UGGT2: variants seen among roughly 807,000 people sequenced by gnomAD.
The protein encoded by UGGT2 is UDP-glucose glycoprotein glucosyltransferase 2.
In UGGT2, 180 loss-of-function variants were observed where a neutral mutation model predicts 192.1. The observed-to-expected ratio is 0.94, with a 90% CI of 0.83 to 1.06. The LOEUF (loss-of-function observed/expected upper bound fraction) is 1.06, where lower values mean the gene tolerates loss of function less well. Ranked by LOEUF, UGGT2 falls within the 50% of genes least tolerant of loss-of-function variation. The pLI, the probability that UGGT2 is intolerant of heterozygous loss-of-function variation, is 0.00. For synonymous variants in UGGT2, 580 were observed against 591.0 expected (o/e 0.98, Z 0.27); for missense variants, 1,849 against 1,795.7 (o/e 1.03, Z -0.54).
intron 12 of UGGT2, among the ~76,000 whole-genome samples, chr13:95,963,141 T>C (rs753110777): frequency 1.3e-5 from 2 of 152,028 alleles, no homozygotes; most frequent in African/African-American, 2.4e-5. Flanking sequence ...TGAACACAGA[T>C]GCACAAATTC....
At chr13:96,036,565 G>GT (rs1421297826) in intron 1 of UGGT2, among the ~76,000 whole-genome samples, 1 of 146,238 alleles carries the variant, frequency 6.8e-6, no homozygotes, top group African/African-American at 2.5e-5. Flanking sequence ...AAAAGTTCAA[G>GT]TAAAAAAAAA....
Position 95,860,824 on chromosome 13 carries a change from G to GA in UGGT2, c.3703dup (p.Ser1235PhefsTer9), listed in dbSNP as rs772404395. 3 of 1,562,882 alleles carry GA rather than the reference G, an allele frequency of 1.9e-6. No individual in the cohort carries two copies. Among genetic ancestry groups the GA allele is most frequent in the Non-Finnish European group, 1.7e-6 (2 of 1,155,678 alleles). On this transcript the variant is annotated frameshift_variant, in exon 32 of 39. Transcript: ENST00000376747. LOFTEE classifies it high-confidence loss of function. ...TTCATATAAATGACCAGAAGCAACTGAAAAAATGTTTAGGACATCTTTTTC... is the reference window on the plus strand; with the variant it reads ...TTCATATAAATGACCAGAAGCAACTGAAAAAAATGTTTAGGACATCTTTTTC...
intron 1 of UGGT2, among the ~76,000 whole-genome samples, chr13:96,043,517 C>A (rs1376640792): frequency 6.6e-6 from 1 of 152,144 alleles, no homozygotes; most frequent in East Asian, 1.9e-4. Flanking sequence ...TACCTCACAT[C>A]TCAATACTAA....
chr13:95,939,946 T>A lies in UGGT2; in HGVS notation c.1812+11A>T. The stretch of plus-strand genomic sequence containing the variant: ...CTGGCCTACTCCACTTAACATAATG[T>A]CCCAACTTACCTTTCTTTCTTCATC... On this transcript the variant is annotated intron_variant, in intron 16 of 38. Coordinates refer to ENST00000376747, the MANE Select transcript of UGGT2 (RefSeq NM_020121.4). 1 of 1,590,110 alleles carries A rather than the reference T, an allele frequency of 6.3e-7. No individual in the cohort carries two copies.
At chr13:95,906,411 G>T (rs979434206) in intron 20 of UGGT2, among the ~76,000 whole-genome samples, 1 of 152,042 alleles carries the variant, frequency 6.6e-6, no homozygotes, top group Non-Finnish European at 1.5e-5. Context: ...AATCAATAAA[G>T]ATTATACAAT....
intron 4 of UGGT2, among the ~76,000 whole-genome samples, chr13:96,013,921 T>C (rs1171553907): frequency 2.0e-5 from 3 of 152,148 alleles, no homozygotes; most frequent in Non-Finnish European, 4.4e-5. Context: ...TCCCCAAGTA[T>C]AAGCAAAGAA....
intron 29 of UGGT2, among the ~76,000 whole-genome samples, chr13:95,868,818 C>T (rs1312375321): frequency 6.6e-6 from 1 of 152,070 alleles, no homozygotes; most frequent in Non-Finnish European, 1.5e-5. Flanking sequence ...AAGCAAATCT[C>T]TTTCCACTTC....
chr13:95,977,021 C>T (rs2050959593), intron 10 of UGGT2, among the ~76,000 whole-genome samples: 1 of 152,146 alleles, frequency 6.6e-6, no homozygotes, highest in Non-Finnish European at 1.5e-5. Flanking sequence ...AACTGGACCC[C>T]TTCCTTACAC....
chr13:96,043,058 GT>G (rs2053211424), intron 1 of UGGT2, among the ~76,000 whole-genome samples: 1 of 152,150 alleles, frequency 6.6e-6, no homozygotes, highest in Non-Finnish European at 1.5e-5. Context: ...TAGGCACATA[GT>G]CATCAGGTTA....
At chr13:96,014,393 A>T (rs1265376584) in intron 4 of UGGT2, among the ~76,000 whole-genome samples, 1 of 152,246 alleles carries the variant, frequency 6.6e-6, no homozygotes, top group Non-Finnish European at 1.5e-5. Flanking sequence ...GAGATCAGGC[A>T]GAATTGGATT....
At chr13:95,967,499 A>G (rs1395604530) in intron 12 of UGGT2, among the ~76,000 whole-genome samples, 51 of 131,280 alleles carry the variant, frequency 3.9e-4, no homozygotes, top group Non-Finnish European at 7.0e-4. Flanking sequence ...TTTGAGATGG[A>G]GTCTCGCTCT....
intron 20 of UGGT2, among the ~76,000 whole-genome samples, chr13:95,915,826 C>T (rs923510721): frequency 6.6e-6 from 1 of 152,222 alleles, no homozygotes; most frequent in African/African-American, 2.4e-5. Flanking sequence ...ATCCATTCCT[C>T]CTCACTGGGG....
chr13:95,959,561 T>C (rs905391210), intron 12 of UGGT2, among the ~76,000 whole-genome samples: 11 of 152,152 alleles, frequency 7.2e-5, no homozygotes, highest in African/African-American at 2.7e-4. Flanking sequence ...TCCATTACCA[T>C]TGGCATCTGA....
At chr13:95,827,507 TATCAACCC>T (rs1886167705) in intron 38 of UGGT2, among the ~76,000 whole-genome samples, 3 of 152,198 alleles carry the variant, frequency 2.0e-5, no homozygotes, top group Admixed American at 6.5e-5. Context: ...CCTCAGAAGG[TATCAACCC>T]TGTGGACACC....
intron 1 of UGGT2, among the ~76,000 whole-genome samples, chr13:96,051,333 G>A (rs144144494): frequency 1.1e-3 from 165 of 152,294 alleles, no homozygotes; most frequent in African/African-American, 3.9e-3. Flanking sequence ...GGCCTGTTGT[G>A]GGGTTGGGGG....
At chr13:95,825,054 GTCTT>G (rs1885883119) in intron 38 of UGGT2, among the ~76,000 whole-genome samples, 1 of 152,146 alleles carries the variant, frequency 6.6e-6, no homozygotes, top group South Asian at 2.1e-4. Flanking sequence ...GTTGTGGAGA[GTCTT>G]TCTATGATGG....
chr13:95,905,482 A>G (rs2140307949), intron 20 of UGGT2, among the ~76,000 whole-genome samples: 1 of 151,954 alleles, frequency 6.6e-6, no homozygotes, highest in Middle Eastern at 3.4e-3. Flanking sequence ...TATAAGGTGT[A>G]AGGAAGGGAT....
intron 12 of UGGT2, among the ~76,000 whole-genome samples, chr13:95,953,067 A>G (rs888539032): frequency 2.0e-5 from 3 of 152,322 alleles, no homozygotes; most frequent in African/African-American, 7.2e-5. Context: ...TACTTTGGGC[A>G]TATTTTCTGT....
intron 5 of UGGT2, among the ~76,000 whole-genome samples, chr13:96,002,126 T>C (rs984940605): frequency 1.3e-5 from 2 of 152,182 alleles, no homozygotes; most frequent in African/African-American, 4.8e-5. Context: ...AACTCACACA[T>C]GCTTAAGGGT....
Sources: allele counts gnomAD v4.1 joint callset (sites outside exome capture counted in the v4.1 genomes callset), GRCh38; gene constraint gnomAD v4.1.1; transcripts MANE v1.5; gene names NCBI Gene and HGNC (gene_info 2026-07-23, HGNC 2026-07-21).